Variants in MAPKAP1 observed in about 807,000 individuals in gnomAD.
MAPKAP1 encodes the protein MAPK associated protein 1.
Under a neutral mutation model 65.7 loss-of-function variants are expected in MAPKAP1, and 20 were observed. The ratio of observed to expected loss-of-function variants is 0.30; its 90% CI spans 0.21 to 0.44. MAPKAP1 has a LOEUF of 0.44. Ranked by LOEUF, MAPKAP1 falls within the 20% of genes least tolerant of loss-of-function variation. MAPKAP1 has a pLI of 1.00. For missense variants in MAPKAP1, 423 were observed against 648.0 expected (o/e 0.65, Z 3.77); for synonymous variants, 222 against 244.3 (o/e 0.91, Z 0.85).
intron 1 of MAPKAP1, among the ~76,000 whole-genome samples, chr9:125,692,766 G>A (rs1013970034): frequency 2.6e-5 from 4 of 152,120 alleles, no homozygotes; most frequent in African/African-American, 9.7e-5. Context: ...TACCAACAAA[G>A]TACCTAATAA....
At chr9:125,577,317 G>A (rs1365855889) in intron 5 of MAPKAP1, among the ~76,000 whole-genome samples, 4 of 150,882 alleles carry the variant, frequency 2.7e-5, no homozygotes, top group South Asian at 2.1e-4. Context: ...GAGCCCCTCC[G>A]CCCGGCAGCC....
chr9:125,579,633 T>C (rs1388826519), intron 5 of MAPKAP1, among the ~76,000 whole-genome samples: 1 of 152,214 alleles, frequency 6.6e-6, no homozygotes, highest in Non-Finnish European at 1.5e-5. Flanking sequence ...ACAACCAGGC[T>C]GCAACTGGTG....
chr9:125,576,471 G>A (rs1247727043), intron 5 of MAPKAP1, among the ~76,000 whole-genome samples: 1 of 151,862 alleles, frequency 6.6e-6, no homozygotes, highest in African/African-American at 2.4e-5. Context: ...TTAAAAAAAC[G>A]AAGCATAGCT....
intron 10 of MAPKAP1, among the ~76,000 whole-genome samples, chr9:125,458,021 C>A (rs1016321478): frequency 6.6e-6 from 1 of 152,140 alleles, no homozygotes; most frequent in East Asian, 1.9e-4. Flanking sequence ...TCTCTTCCTG[C>A]GAAAATCTGG....
chr9:125,698,438 A>G (rs1455623712), intron 1 of MAPKAP1, among the ~76,000 whole-genome samples: 1 of 149,964 alleles, frequency 6.7e-6, no homozygotes, highest in Non-Finnish European at 1.5e-5. Flanking sequence ...CCCGGGTTCA[A>G]GCAATTCTCC....
At chr9:125,517,568 TAAAAAG>T (rs1186752712) in intron 7 of MAPKAP1, among the ~76,000 whole-genome samples, 6 of 152,198 alleles carry the variant, frequency 3.9e-5, no homozygotes, top group African/African-American at 1.4e-4. Flanking sequence ...GGTCATAAAA[TAAAAAG>T]AAAAATAGTT....
At chr9:125,552,581 CAAAG>C (rs1830614943) in intron 6 of MAPKAP1, among the ~76,000 whole-genome samples, 3 of 152,022 alleles carry the variant, frequency 2.0e-5, no homozygotes, top group African/African-American at 7.3e-5. Context: ...AAAAATAACT[CAAAG>C]GAAGGTTAAA....
At chr9:125,509,239 C>A (rs1829231259) in intron 7 of MAPKAP1, among the ~76,000 whole-genome samples, 1 of 151,558 alleles carries the variant, frequency 6.6e-6, no homozygotes, top group Admixed American at 6.6e-5. Context: ...GTGTACTCCA[C>A]AGATATATAT....
chr9:125,565,053 A>C (rs1414487641), intron 5 of MAPKAP1, among the ~76,000 whole-genome samples: 1 of 152,184 alleles, frequency 6.6e-6, no homozygotes, highest in East Asian at 1.9e-4. Context: ...GCCTGCTGCC[A>C]AAAGAGAGGT....
chr9:125,501,558 T>C (rs185986394), intron 8 of MAPKAP1, among the ~76,000 whole-genome samples: 17 of 152,326 alleles, frequency 1.1e-4, no homozygotes, highest in African/African-American at 3.8e-4. Context: ...CTTTTTCTAT[T>C]CTCTGCAACA....
At chr9:125,584,538 T>C (rs996904235) in intron 5 of MAPKAP1, among the ~76,000 whole-genome samples, 3 of 152,112 alleles carry the variant, frequency 2.0e-5, no homozygotes, top group Non-Finnish European at 4.4e-5. Context: ...GCGATTCTCC[T>C]GCCTCAGCCT....
chr9:125,521,881 A>G (rs1829628326), intron 7 of MAPKAP1: 1 of 884,134 alleles, frequency 1.1e-6, no homozygotes, highest in African/African-American at 1.7e-5. Context: ...CTTAGAGCCA[A>G]TTGTTTTCAG....
At chr9:125,501,438 T>C (rs1038575630) in intron 8 of MAPKAP1, among the ~76,000 whole-genome samples, 1 of 152,230 alleles carries the variant, frequency 6.6e-6, no homozygotes, top group African/African-American at 2.4e-5. Context: ...TTTAGGATTT[T>C]TGCATCTATA....
Position 125,686,782 on chromosome 9 carries a change from G to A in MAPKAP1, c.-69-14139C>T, listed in dbSNP as rs145922381. Among the ~76,000 whole-genome samples, 4 of 152,064 alleles carry A rather than the reference G, an allele frequency of 2.6e-5. No individual in the cohort carries two copies. In the East Asian group the frequency reaches 7.7e-4, roughly 29 times the overall value. ...TACACTCTCTACAAAGGTAAACCAT[G>A]TTGACTGATTTGAACAGGCATTACT... On this transcript the variant is annotated intron_variant, in intron 1 of 11. Transcript: ENST00000265960.
intron 4 of MAPKAP1, chr9:125,596,081 C>T (rs2131600029): frequency 9.5e-7 from 1 of 1,056,882 alleles, no homozygotes; most frequent in Non-Finnish European, 1.5e-6. Context: ...TCACGACTGA[C>T]CGAGGCAGTG....
intron 1 of MAPKAP1, 113 bp downstream of exon 1, chr9:125,706,858 C>T (rs754506881): frequency 2.3e-5 from 8 of 354,064 alleles, no homozygotes; most frequent in Admixed American, 4.7e-5. Context: ...AACAAGGGCC[C>T]GGCAGGCGGC....
chr9:125,666,008 A>G (rs550099841), intron 3 of MAPKAP1, among the ~76,000 whole-genome samples: 1 of 152,366 alleles, frequency 6.6e-6, no homozygotes, highest in South Asian at 2.1e-4. Context: ...AGGAGTTATG[A>G]AAGAAATACT....
At chr9:125,641,825 A>G (rs1008729237) in intron 4 of MAPKAP1, among the ~76,000 whole-genome samples, 2 of 151,802 alleles carry the variant, frequency 1.3e-5, no homozygotes, top group African/African-American at 4.8e-5. Flanking sequence ...TGAGGTCAGG[A>G]GATCAAGACC....
chr9:125,554,264 T>C (rs1464484971), intron 6 of MAPKAP1, among the ~76,000 whole-genome samples: 7 of 152,172 alleles, frequency 4.6e-5, no homozygotes, highest in African/African-American at 1.7e-4. Context: ...ATCTGTGCTG[T>C]TTGGTGCCAA....
Sources: allele counts gnomAD v4.1 joint callset (sites outside exome capture counted in the v4.1 genomes callset), GRCh38; gene constraint gnomAD v4.1.1; transcripts MANE v1.5; gene names NCBI Gene and HGNC (gene_info 2026-07-23, HGNC 2026-07-21).